The following CCDC125 variants were observed in gnomAD, a reference collection of about 807,000 sequenced individuals.
CCDC125 encodes coiled-coil domain-containing protein 125.
A neutral mutation model predicts 57.4 loss-of-function variants in CCDC125; 43 were observed. That is an observed-to-expected ratio of 0.75 (90% CI 0.59 to 0.97). The LOEUF (loss-of-function observed/expected upper bound fraction) is 0.97. Ranked by LOEUF, CCDC125 falls within the 50% of genes least tolerant of loss-of-function variation. The pLI, the probability that CCDC125 is intolerant of heterozygous loss-of-function variation, is 0.00. For missense variants in CCDC125, 563 were observed against 595.7 expected (o/e 0.95, Z 0.57); for synonymous variants, 187 against 195.2 (o/e 0.96, Z 0.35).
chr5:69,282,711 AT>A lies in CCDC125; in HGVS notation c.*17del. On this transcript the variant is annotated 3_prime_UTR_variant, in exon 12 of 12. Coordinates refer to ENST00000396496, the MANE Select transcript of CCDC125 (RefSeq NM_176816.5). ...TCGATATAAACAACTCTCAGTTCCA[AT>A]TTCAACTGGCTTGTCTTTAAAATAT... 1.3e-6 allele frequency: 2 copies of A among 1,549,014 alleles called. No homozygotes were observed. Among genetic ancestry groups the A allele is most frequent in the Non-Finnish European group, 1.7e-6 (2 of 1,150,874 alleles).
chr5:69,307,750 G>A, intron 5 of CCDC125: 1 of 563,000 alleles, frequency 1.8e-6, no homozygotes, highest in East Asian at 2.8e-5. Flanking sequence ...CTTAACATGG[G>A]GAAATAAAAA....
chr5:69,302,954 G>A (rs1317793901), intron 7 of CCDC125, among the ~76,000 whole-genome samples: 2 of 152,082 alleles, frequency 1.3e-5, no homozygotes, highest in Non-Finnish European at 2.9e-5. Context: ...ATTTTACTTT[G>A]GAGTACTGGA....
At chr5:69,317,103 G>C (rs911630701) in intron 2 of CCDC125, among the ~76,000 whole-genome samples, 6 of 152,106 alleles carry the variant, frequency 3.9e-5, no homozygotes, top group Non-Finnish European at 7.3e-5. Flanking sequence ...CCGCCTCCCA[G>C]GTTCAAGTGA....
At chr5:69,303,470 T>G (rs1009775490) in intron 7 of CCDC125, among the ~76,000 whole-genome samples, 1 of 148,836 alleles carries the variant, frequency 6.7e-6, no homozygotes, top group African/African-American at 2.5e-5. Flanking sequence ...GTAAAAGCGA[T>G]TCACCTGCCT....
chr5:69,285,708 C>T (rs1021850595), intron 10 of CCDC125, among the ~76,000 whole-genome samples: 5 of 152,224 alleles, frequency 3.3e-5, no homozygotes, highest in Non-Finnish European at 7.3e-5. Context: ...CACAAGAACA[C>T]AGTCCATGTC....
intron 1 of CCDC125, among the ~76,000 whole-genome samples, chr5:69,324,677 C>A (rs1175338902): frequency 6.6e-6 from 1 of 152,140 alleles, no homozygotes; most frequent in African/African-American, 2.4e-5. Context: ...CAATGCATTT[C>A]CGATATATGC....
chr5:69,281,138 C>T lies in CCDC125; in HGVS notation c.*1591G>A, dbSNP rs1752445862. ...GCCATTTAAGATATCTGTGCGCCAG[C>T]CTACAAGAAATACAAATGTACAGGG... On this transcript the variant is annotated 3_prime_UTR_variant, in exon 12 of 12. Coordinates refer to ENST00000396496, the MANE Select transcript of CCDC125 (RefSeq NM_176816.5). 1 of 152,188 alleles carries T rather than the reference C, an allele frequency of 6.6e-6. No individual in the cohort carries two copies. The highest frequency in any genetic ancestry group is 2.4e-5 in the African/African-American group (1 of 41,448). The allele number at this position is 152,188 out of a possible 1,614,324, so 9.4% of individuals were successfully genotyped here. A position where few individuals can be genotyped will look rare whatever the true frequency, so the allele number is the denominator to read the frequency against.
intron 1 of CCDC125, among the ~76,000 whole-genome samples, chr5:69,327,019 C>T (rs2150668020): frequency 6.6e-6 from 1 of 151,996 alleles, no homozygotes; most frequent in Non-Finnish European, 1.5e-5. Flanking sequence ...GTCTGGTCAA[C>T]AGAGCAAGAC....
At position 69,281,125 on chromosome 5, in the gene CCDC125, A is replaced by G. The variant is rs908175537; in HGVS notation, c.*1604T>C. 6 of 152,258 alleles carry G rather than the reference A, an allele frequency of 3.9e-5. No individual in the cohort carries two copies. The highest frequency in any genetic ancestry group is 6.5e-5 in the Admixed American group (1 of 15,284). The allele number at this position is 152,258 out of a possible 1,614,324, so 9.4% of individuals were successfully genotyped here. A position where few individuals can be genotyped will look rare whatever the true frequency, so the allele number is the denominator to read the frequency against. On this transcript the variant is annotated 3_prime_UTR_variant, in exon 12 of 12. Coordinates refer to ENST00000396496, the MANE Select transcript of CCDC125 (RefSeq NM_176816.5). ...GCAGCAATTAGTAGCCATTTAAGAT[A>G]TCTGTGCGCCAGCCTACAAGAAATA...
chr5:69,299,574 C>A (rs376891390), intron 8 of CCDC125, among the ~76,000 whole-genome samples: 19 of 152,186 alleles, frequency 1.2e-4, no homozygotes, highest in African/African-American at 4.6e-4. Context: ...ACAGATTGAC[C>A]TTGCCACCTC....
chr5:69,292,257 A>G lies in CCDC125; in HGVS notation c.1030T>C (p.Leu344=). The G allele has an allele frequency of 6.2e-7, 1 of 1,613,804 alleles. No individual in the cohort carries two copies. Among genetic ancestry groups the G allele is most frequent in the Non-Finnish European group, 8.5e-7 (1 of 1,179,932 alleles). The change falls in exon 10 of 12, where the codon TTG becomes CTG. Residue 344 remains leucine, a synonymous_variant. Transcript: ENST00000396496. Reference sequence around the variant, plus strand: ...TTATGCATTTTATCCATTTGTGTCAATTGTAGTGCCTGGTCATTTTTTCTC... The same window carrying G: ...TTATGCATTTTATCCATTTGTGTCAGTTGTAGTGCCTGGTCATTTTTTCTC... ...LMRKNDQALQ[L]TQMDKMHKKA...
At chr5:69,276,398 A>G, downstream of CCDC125, 1 of 683,750 alleles carries the variant, frequency 1.5e-6, no homozygotes, top group Non-Finnish European at 2.5e-6. Context: ...TCCATTTGCA[A>G]ATACTTGACA....
At chr5:69,318,484 T>C (rs1759484990) in intron 2 of CCDC125, among the ~76,000 whole-genome samples, 1 of 151,118 alleles carries the variant, frequency 6.6e-6, no homozygotes, top group South Asian at 2.1e-4. Context: ...GGCTCATGCC[T>C]GTAATCCCAG....
At chr5:69,279,446 T>G (rs1190641195), downstream of CCDC125, among the ~76,000 whole-genome samples, 4 of 152,212 alleles carry the variant, frequency 2.6e-5, no homozygotes, top group Non-Finnish European at 4.4e-5. Context: ...TCCGCCCACC[T>G]TGGCCTCCCA....
intron 1 of CCDC125, among the ~76,000 whole-genome samples, chr5:69,323,333 G>T (rs1470736147): frequency 6.6e-6 from 1 of 151,786 alleles, no homozygotes; most frequent in Non-Finnish European, 1.5e-5. Flanking sequence ...TTGTTAATTT[G>T]TTAATCAAAA....
chr5:69,316,298 A>T (rs1759089517), intron 2 of CCDC125, among the ~76,000 whole-genome samples: 1 of 152,204 alleles, frequency 6.6e-6, no homozygotes, highest in Admixed American at 6.6e-5. Flanking sequence ...TTGAGATGGG[A>T]GAGTACTCTG....
rs1290827809 is a variant in CCDC125, at chr5:69,282,831, T to G, written c.1434A>C (p.Leu478Phe). The G allele has an allele frequency of 1.2e-6, 2 of 1,614,110 alleles. No homozygotes were observed. Among genetic ancestry groups the G allele is most frequent in the South Asian group, 1.1e-5 (1 of 91,088 alleles). The change falls in exon 12 of 12, where the codon TTA becomes TTC. Residue 478 changes from leucine (L) to phenylalanine (F), a missense_variant. Physicochemically the swap from Leu to Phe is conservative, Grantham distance 22. Coordinates refer to ENST00000396496, the MANE Select transcript of CCDC125 (RefSeq NM_176816.5). ...TTGAACAAATGCAGCCCACAGAATT[T>G]AAAATGCAGACACTTGAATGTATAG... is the stretch of plus-strand genomic sequence containing the variant. Reference protein sequence around the residue: ...GDPIHSSVCILNSVGCICSIQ... With the variant: ...GDPIHSSVCIFNSVGCICSIQ...
At chr5:69,283,072 A>G (rs780714530) in intron 11 of CCDC125, 38 bp from the exon 12 acceptor site, 6 of 1,465,548 alleles carry the variant, frequency 4.1e-6, no homozygotes, top group Admixed American at 2.2e-5. Flanking sequence ...AAGTTAGTCA[A>G]TAAATCACAG....
At chr5:69,315,465 A>AC (rs1758906292) in intron 2 of CCDC125, among the ~76,000 whole-genome samples, 1 of 50,974 alleles carries the variant, frequency 2.0e-5, no homozygotes, top group African/African-American at 4.4e-5. Context: ...AAAAAAACAA[A>AC]AAAAAAAAAG....
Sources: allele counts gnomAD v4.1 joint callset (sites outside exome capture counted in the v4.1 genomes callset), GRCh38; gene constraint gnomAD v4.1.1; transcripts MANE v1.5; gene names NCBI Gene and HGNC (gene_info 2026-07-23, HGNC 2026-07-21).